Variants in BTN2A1 observed in about 807,000 individuals in gnomAD.
BTN2A1 encodes butyrophilin, subfamily 2, member A1.
In BTN2A1, 41 loss-of-function variants were observed where a neutral mutation model predicts 34.5. The ratio of observed to expected loss-of-function variants is 1.19; its 90% CI spans 0.93 to 1.54. BTN2A1 has a LOEUF of 1.54. Among genes scored for constraint, BTN2A1 ranks in the 40% most tolerant of loss-of-function variants. The probability of loss-of-function intolerance (pLI) is 0.00; values close to 1 mark genes in which losing one functional copy is unlikely to be tolerated. For synonymous variants in BTN2A1, 267 were observed against 258.6 expected (o/e 1.03, Z -0.31); for missense variants, 642 against 662.0 (o/e 0.97, Z 0.33).
chr6:26,459,417 C>T (rs1763097522), intron 2 of BTN2A1, 64 bp from the exon 3 acceptor site: 11 of 1,542,496 alleles, frequency 7.1e-6, no homozygotes, highest in Non-Finnish European at 3.5e-6. Flanking sequence ...ATATCTGCTT[C>T]CTTTCTTGCC....
chr6:26,467,862 T>C (rs1208800414), intron 7 of BTN2A1, 86 bp from the exon 8 acceptor site: 1 of 1,564,230 alleles, frequency 6.4e-7, no homozygotes, highest in Non-Finnish European at 8.6e-7. Flanking sequence ...CCTTCAGAGA[T>C]ATCTGAGACC....
chr6:26,475,732 A>G (rs1763526614), intron 7 of BTN2A1, among the ~76,000 whole-genome samples: 1 of 152,114 alleles, frequency 6.6e-6, no homozygotes, highest in African/African-American at 2.4e-5. Flanking sequence ...ACATAGTGAG[A>G]CTTCATCTCT....
chr6:26,465,923 A>G, intron 5 of BTN2A1, 30 bp from the exon 6 acceptor site: 1 of 1,614,132 alleles, frequency 6.2e-7, no homozygotes, highest in Non-Finnish European at 8.5e-7. Context: ...TCTTCTGTCA[A>G]AGACATGATT....
Position 26,465,801 on chromosome 6 carries a change from A to C in BTN2A1, c.935-152A>C, listed in dbSNP as rs370693802. On this transcript the variant is annotated intron_variant, in intron 5 of 7. Transcript: ENST00000312541. ...GCTGGTACTACCCAGCCACCTGATC[A>C]TACATAATTTCTGGTTTCTGACAGT... The C allele has an allele frequency of 2.7e-6, 4 of 1,506,424 alleles. No individual in the cohort carries two copies. The African/African-American group carries it at 4.2e-5, about 16-fold the overall frequency. The allele number at this position is 1,506,424 out of a possible 1,614,324, so 93.3% of individuals were successfully genotyped here. A position where few individuals can be genotyped will look rare whatever the true frequency, so the allele number is the denominator to read the frequency against.
chr6:26,465,895 A>T, intron 5 of BTN2A1, 58 bp from the exon 6 acceptor site: 1 of 1,613,078 alleles, frequency 6.2e-7, no homozygotes, highest in South Asian at 1.1e-5. Flanking sequence ...GTTTACTAAA[A>T]ACCCAACTTC....
chr6:26,463,897 G>A (rs1200233876), intron 4 of BTN2A1, among the ~76,000 whole-genome samples: 1 of 151,986 alleles, frequency 6.6e-6, no homozygotes, highest in African/African-American at 2.4e-5. Flanking sequence ...CTCCTCCCAG[G>A]TTCAAGCAAT....
At chr6:26,471,587 G>A (rs1184641977), downstream of BTN2A1, among the ~76,000 whole-genome samples, 1 of 152,090 alleles carries the variant, frequency 6.6e-6, no homozygotes, top group Non-Finnish European at 1.5e-5. Flanking sequence ...GGTGGAGGTT[G>A]CAGTGCACCA....
chr6:26,463,263 C>T lies in BTN2A1; in HGVS notation c.450C>T (p.Leu150=), dbSNP rs755179770. 17 of 1,608,066 alleles carry T rather than the reference C, an allele frequency of 1.1e-5. No homozygotes were observed. The Admixed American group carries it at 2.7e-4, about 26-fold the overall frequency. ...CCACAGGACTAGGCTCTAAGCCCCT[C>T]ATTTCAATGAGGGGCCATGAAGACG... ...LVVAGLGSKP[L]ISMRGHEDGG... Residue 150 remains leucine (L), a synonymous_variant, in exon 4 of 8, where the codon CTC becomes CTT. Coordinates refer to ENST00000312541, the MANE Select transcript of BTN2A1 (RefSeq NM_007049.5).
chr6:26,470,331 A>C (rs1763426146), downstream of BTN2A1, among the ~76,000 whole-genome samples: 1 of 152,144 alleles, frequency 6.6e-6, no homozygotes, highest in South Asian at 2.1e-4. Flanking sequence ...TGGGTGAAAG[A>C]GTGAAACTCC....
At position 26,468,395 on chromosome 6, in the gene BTN2A1, G is replaced by C; in HGVS notation, c.1430G>C (p.Arg477Pro). 6.2e-7 allele frequency: 1 copy of C among 1,614,150 alleles called. No homozygotes were observed. Among genetic ancestry groups the C allele is most frequent in the Non-Finnish European group, 8.5e-7 (1 of 1,180,032 alleles). Residue 477 changes from arginine to proline, a missense_variant, in exon 8 of 8, where the codon CGT (arginine) becomes CCT (proline). Coordinates refer to ENST00000312541, the MANE Select transcript of BTN2A1 (RefSeq NM_007049.5). ...AGATCGCACATCTACACATGTCCCC[G>C]TTCAGCCTTTTCCGTGCCTGTGAGG... ...RDRSHIYTCP[R>P]SAFSVPVRPF...
At chr6:26,470,418 T>A (rs1487468545), downstream of BTN2A1, among the ~76,000 whole-genome samples, 2 of 138,370 alleles carry the variant, frequency 1.4e-5, no homozygotes, top group African/African-American at 5.5e-5. Flanking sequence ...GAAACCATAT[T>A]TGAGAGTTGG....
intron 7 of BTN2A1, among the ~76,000 whole-genome samples, chr6:26,466,768 A>G (rs1763327205): frequency 6.6e-6 from 1 of 152,214 alleles, no homozygotes. Flanking sequence ...GTGAATTTCA[A>G]AATTGCCACT....
intron 5 of BTN2A1, 22 bp from the exon 6 acceptor site, chr6:26,465,931 A>G: frequency 6.2e-7 from 1 of 1,614,040 alleles, no homozygotes; most frequent in East Asian, 2.2e-5. Flanking sequence ...CAAAGACATG[A>G]TTTTCTTTGT....
chr6:26,460,472 A>G (rs778109669), intron 3 of BTN2A1, among the ~76,000 whole-genome samples: 6 of 152,244 alleles, frequency 3.9e-5, no homozygotes, highest in Middle Eastern at 3.2e-3. Flanking sequence ...TGCTAACTCC[A>G]TAGAGAAAGA....
At chr6:26,476,316 G>T (rs1364558381) in exon 8 of BTN2A1, 5 of 839,560 alleles carry the variant, frequency 6.0e-6, no homozygotes, top group Non-Finnish European at 8.0e-6. Flanking sequence ...CTATTCATCA[G>T]CTAGGCTGAA....
intron 4 of BTN2A1, 28 bp downstream of exon 4, chr6:26,463,553 C>G (rs750861051): frequency 6.3e-7 from 1 of 1,599,816 alleles, no homozygotes; most frequent in Non-Finnish European, 8.5e-7. Context: ...TGAGACTCGT[C>G]GAGTGCATGG....
At chr6:26,467,308 G>GGGTTT (rs1262824509) in intron 7 of BTN2A1, among the ~76,000 whole-genome samples, 1 of 152,014 alleles carries the variant, frequency 6.6e-6, no homozygotes, top group African/African-American at 2.4e-5. Context: ...TCTTCATTTG[G>GGGTTT]GGTTTTGTTT....
In BTN2A1 at chr6:26,463,410, C is replaced by T; in HGVS notation, c.597C>T (p.Gly199=). The T allele has an allele frequency of 1.2e-6, 2 of 1,614,134 alleles. No individual in the cohort carries two copies. The highest frequency in any genetic ancestry group is 1.1e-5 in the South Asian group (1 of 91,074). ...LKEVSMPDAD[G]LFMVTTAVII... is the part of the protein sequence containing the mutation. ...AGGTCTCCATGCCTGATGCAGACGG[C>T]CTCTTCATGGTCACCACGGCTGTGA... Residue 199 remains glycine, a synonymous_variant, in exon 4 of 8, where the codon GGC becomes GGT. Transcript: ENST00000312541.
At chr6:26,462,928 A>G (rs1295989424) in intron 3 of BTN2A1, 1 of 1,278,082 alleles carries the variant, frequency 7.8e-7, no homozygotes, top group Non-Finnish European at 1.0e-6. Context: ...GGATAAATTG[A>G]ACAAGCATTT....
Sources: allele counts gnomAD v4.1 joint callset (sites outside exome capture counted in the v4.1 genomes callset), GRCh38; gene constraint gnomAD v4.1.1; transcripts MANE v1.5; gene names NCBI Gene and HGNC (gene_info 2026-07-23, HGNC 2026-07-21).